The following WDR89 variants were observed in gnomAD, a reference collection of about 807,000 sequenced individuals.
WDR89 encodes WD repeat-containing protein 89.
Under a neutral mutation model 29.1 loss-of-function variants are expected in WDR89, and 17 were observed. The ratio of observed to expected loss-of-function variants is 0.58; its 90% CI spans 0.40 to 0.88. The LOEUF is 0.88. Ranked by LOEUF, WDR89 falls within the 40% of genes least tolerant of loss-of-function variation. The pLI, the probability that WDR89 is intolerant of heterozygous loss-of-function variation, is 0.00. For missense variants in WDR89, 396 were observed against 456.3 expected, an observed-to-expected ratio of 0.87 and a Z score of 1.20; for synonymous variants, 138 against 157.8, an observed-to-expected ratio of 0.87 and a Z score of 0.94.
intron 1 of WDR89, among the ~76,000 whole-genome samples, chr14:63,637,673 G>A (rs1051049496): frequency 1.3e-5 from 2 of 152,122 alleles, no homozygotes; most frequent in Non-Finnish European, 2.9e-5. Context: ...TGAGACTGGA[G>A]ACTATTATTC....
Position 63,635,748 on chromosome 14 carries a change from G to C in WDR89, c.-138+6056C>G, listed in dbSNP as rs144159916. 7.4e-4 allele frequency among the ~76,000 whole-genome samples: 112 copies of C among 152,250 alleles called. 2 individuals are homozygous for C. The East Asian group carries it at 0.012, about 16-fold the overall frequency. On this transcript the variant is annotated intron_variant, in intron 1 of 2. Transcript: ENST00000620954. Reference sequence around the variant, plus strand: ...AAAACTGTAAGGACTCCTCCAGAAAGCTCCTAGAACTGATAAAAGAATCCA... The same window carrying C: ...AAAACTGTAAGGACTCCTCCAGAAACCTCCTAGAACTGATAAAAGAATCCA...
intron 1 of WDR89, among the ~76,000 whole-genome samples, chr14:63,640,257 A>C (rs1040241099): frequency 1.3e-5 from 2 of 152,134 alleles, no homozygotes; most frequent in Non-Finnish European, 2.9e-5. Context: ...TGAAAAGCAG[A>C]AACAGTCACG....
intron 2 of WDR89, among the ~76,000 whole-genome samples, chr14:63,616,729 G>C (rs1882330041): frequency 6.6e-6 from 1 of 152,222 alleles, no homozygotes; most frequent in Non-Finnish European, 1.5e-5. Context: ...GTCATGGTAA[G>C]AACTTTGAAT....
chr14:63,626,062 C>T (rs543282129), intron 1 of WDR89, among the ~76,000 whole-genome samples: 1 of 152,128 alleles, frequency 6.6e-6, no homozygotes, highest in East Asian at 1.9e-4. Context: ...CCATGTTGGC[C>T]AGGATGGTCT....
intron 2 of WDR89, among the ~76,000 whole-genome samples, chr14:63,614,777 G>A (rs1882205592): frequency 6.6e-6 from 1 of 152,150 alleles, no homozygotes; most frequent in African/African-American, 2.4e-5. Context: ...TTTAAATTCA[G>A]AAGAACTGCT....
chr14:63,625,424 T>C (rs953747956), intron 1 of WDR89, among the ~76,000 whole-genome samples: 3 of 126,814 alleles, frequency 2.4e-5, no homozygotes, highest in Non-Finnish European at 4.7e-5. Flanking sequence ...TCAAACTACA[T>C]ACTTACATGT....
intron 2 of WDR89, among the ~76,000 whole-genome samples, chr14:63,607,623 T>A (rs1191983053): frequency 5.9e-5 from 9 of 151,938 alleles, no homozygotes; most frequent in Non-Finnish European, 1.3e-4. Context: ...GGCTCACATC[T>A]GTAATCCCAG....
intron 1 of WDR89, among the ~76,000 whole-genome samples, chr14:63,640,711 C>T (rs1884055896): frequency 6.6e-6 from 1 of 150,870 alleles, no homozygotes; most frequent in Non-Finnish European, 1.5e-5. Flanking sequence ...CTCCTGACCT[C>T]GTGATCCGCC....
chr14:63,635,506 A>G (rs979747268), intron 1 of WDR89, among the ~76,000 whole-genome samples: 9 of 152,220 alleles, frequency 5.9e-5, no homozygotes, highest in African/African-American at 1.4e-4. Context: ...TCTATGACAA[A>G]CCACAGCCAA....
In WDR89 at chr14:63,599,905, A is replaced by G; in HGVS notation, c.38T>C (p.Ile13Thr). The G allele has an allele frequency of 3.7e-6, 6 of 1,611,418 alleles. No homozygotes were observed. The highest frequency in any genetic ancestry group is 5.1e-6 in the Non-Finnish European group (6 of 1,178,086). The change falls in exon 3 of 3, where the codon ATT (isoleucine) becomes ACT (threonine). Residue 13 changes from isoleucine to threonine, a missense_variant. Transcript: ENST00000620954. ...KIEEQFANLH[I>T]VKCSLGTKEP... ...TTTGGTTCCTAAGGAACATTTAACA[A>G]TGTGCAGATTAGCAAATTGTTCCTC...
At chr14:63,606,950 A>C (rs1374701098) in intron 2 of WDR89, among the ~76,000 whole-genome samples, 2 of 152,188 alleles carry the variant, frequency 1.3e-5, no homozygotes, top group Non-Finnish European at 2.9e-5. Flanking sequence ...TCCAATGTTA[A>C]GCTATTGATC....
chr14:63,599,639 C>A lies in WDR89; in HGVS notation c.304G>T (p.Ala102Ser). The A allele has an allele frequency of 2.5e-6, 4 of 1,614,152 alleles. No individual in the cohort carries two copies. Among genetic ancestry groups the A allele is most frequent in the Non-Finnish European group, 3.4e-6 (4 of 1,180,002 alleles). Residue 102 changes from alanine (A) to serine (S), a missense_variant, in exon 3 of 3, where the codon GCC becomes TCC. Coordinates refer to ENST00000620954, the MANE Select transcript of WDR89 (RefSeq NM_080666.4). ...GTVKCWDARV[A>S]REKPVQLFKG... is the part of the protein sequence containing the mutation. Reference sequence around the variant, plus strand: ...AAGAGCTGAACAGGTTTTTCTCTGGCTACTCGAGCATCCCAGCATTTCACA... The same window carrying A: ...AAGAGCTGAACAGGTTTTTCTCTGGATACTCGAGCATCCCAGCATTTCACA...
intron 1 of WDR89, among the ~76,000 whole-genome samples, chr14:63,638,258 T>A (rs565802619): frequency 6.6e-6 from 1 of 151,906 alleles, no homozygotes; most frequent in Non-Finnish European, 1.5e-5. Flanking sequence ...AAGTAAGTTT[T>A]AAAAAAAAGT....
chr14:63,622,984 C>A (rs983833460), intron 2 of WDR89, among the ~76,000 whole-genome samples: 1 of 150,606 alleles, frequency 6.6e-6, no homozygotes, highest in African/African-American at 2.4e-5. Context: ...TGGGTCACTT[C>A]GACCTAGGAG....
At chr14:63,616,072 G>A (rs1047488617) in intron 2 of WDR89, among the ~76,000 whole-genome samples, 5 of 152,060 alleles carry the variant, frequency 3.3e-5, no homozygotes, top group Admixed American at 3.3e-4. Context: ...GCTAAACTCC[G>A]TCTCTACAAA....
Position 63,597,741 on chromosome 14 carries a change from T to C in WDR89, c.*1038A>G, listed in dbSNP as rs371518410. ...TTTTTAACGCTTATGTAGTCCGCCA[T>C]CAAAACATCAATGTACTGAAGATTT... On this transcript the variant is annotated 3_prime_UTR_variant, in exon 3 of 3. Transcript: ENST00000620954. 2.0e-5 allele frequency: 3 copies of C among 152,334 alleles called. No individual in the cohort carries two copies. Among genetic ancestry groups the C allele is most frequent in the Admixed American group, 6.5e-5 (1 of 15,296 alleles). 9.4% of individuals were successfully genotyped at this position (152,334 alleles called of 1,614,324 possible). A position where few individuals can be genotyped will look rare whatever the true frequency, so the allele number is the denominator to read the frequency against.
chr14:63,624,322 C>T (rs373421820), intron 2 of WDR89, among the ~76,000 whole-genome samples: 2 of 151,806 alleles, frequency 1.3e-5, no homozygotes, highest in Non-Finnish European at 2.9e-5. Context: ...CAAAAATTAG[C>T]CAGGCATGGT....
intron 1 of WDR89, among the ~76,000 whole-genome samples, chr14:63,627,649 T>C (rs538601261): frequency 2.0e-5 from 3 of 152,190 alleles, no homozygotes; most frequent in Non-Finnish European, 4.4e-5. Context: ...GAATGTCAAA[T>C]GGTTAGAATC....
At chr14:63,631,544 A>T (rs184645026) in intron 1 of WDR89, among the ~76,000 whole-genome samples, 2,102 of 151,662 alleles carry the variant, frequency 0.014, 62 homozygotes, top group African/African-American at 0.044. Context: ...TAAAAAAAAA[A>T]ATTTTTTTTT....
Sources: gnomAD v4.1 joint callset for allele counts (sites outside exome capture counted in the v4.1 genomes callset) on GRCh38, gnomAD v4.1.1 for gene constraint, MANE v1.5 for transcripts, NCBI Gene and HGNC (gene_info 2026-07-23, HGNC 2026-07-21) for gene names.